BCAS3: variants seen among roughly 807,000 people sequenced by gnomAD.
BCAS3 encodes BCAS4/BCAS3 fusion.
Under a neutral mutation model 116.1 loss-of-function variants are expected in BCAS3, and 53 were observed. That is an observed-to-expected ratio of 0.46 (90% confidence interval 0.37 to 0.57). The LOEUF is 0.57. Ranked by LOEUF, BCAS3 falls within the 20% of genes least tolerant of loss-of-function variation. The pLI is 0.00. For missense variants in BCAS3, 917 were observed against 1,165.4 expected (o/e 0.79, Z 3.10); for synonymous variants, 391 against 408.2 (o/e 0.96, Z 0.51).
At chr17:61,384,668 CAG>C (rs2059762382) in intron 23 of BCAS3, 1 of 152,312 alleles carries the variant, frequency 6.6e-6, no homozygotes, top group African/African-American at 2.4e-5. Context: ...AAACCAGCGA[CAG>C]AGGAGCTGGG....
chr17:60,779,551 T>G (rs2045613864), intron 6 of BCAS3, among the ~76,000 whole-genome samples: 1 of 152,116 alleles, frequency 6.6e-6, no homozygotes, highest in Admixed American at 6.6e-5. Flanking sequence ...GTATTTTTAG[T>G]AGAGACAGGG....
intron 22 of BCAS3, among the ~76,000 whole-genome samples, chr17:61,322,818 G>C (rs1452344989): frequency 1.9e-4 from 25 of 130,764 alleles, no homozygotes; most frequent in Middle Eastern, 4.2e-3. Flanking sequence ...GAGAGAGAGA[G>C]AGAGAGAGAG....
intron 22 of BCAS3, among the ~76,000 whole-genome samples, chr17:61,336,780 G>T (rs1255306922): frequency 2.0e-5 from 3 of 152,190 alleles, no homozygotes. Flanking sequence ...GAGAGGAAAA[G>T]TCTTGCCCAA....
At chr17:60,911,687 G>A (rs1227125635) in intron 12 of BCAS3, among the ~76,000 whole-genome samples, 2 of 152,106 alleles carry the variant, frequency 1.3e-5, no homozygotes, top group African/African-American at 4.8e-5. Context: ...TGCCCGTCTC[G>A]GCCTCCCAAA....
In BCAS3 at chr17:61,313,050, C is replaced by A. The variant is rs984797893; in HGVS notation, c.2426-55277C>A. Among the ~76,000 whole-genome samples the A allele has an allele frequency of 3.9e-5, 6 of 152,164 alleles. No individual in the cohort carries two copies. The highest frequency in any genetic ancestry group is 1.4e-4 in the African/African-American group (6 of 41,420). On this transcript the variant is annotated intron_variant, in intron 22 of 23. Coordinates refer to ENST00000407086, the MANE Select transcript of BCAS3 (RefSeq NM_017679.5). The surrounding 1 kb of genome is among the most constrained non-coding windows in gnomAD (Gnocchi z 4.3). Reference sequence around the variant, plus strand: ...ACTTCCCATCTTTCACCTCGTTGATCGCCTCAAAATCCCGTGAGGTTTTTA... The same window carrying A: ...ACTTCCCATCTTTCACCTCGTTGATAGCCTCAAAATCCCGTGAGGTTTTTA...
intron 6 of BCAS3, among the ~76,000 whole-genome samples, chr17:60,770,834 GTTTTTTTTTTTT>G (rs60854011): frequency 0.05 from 3,812 of 76,734 alleles, 106 homozygotes; most frequent in Non-Finnish European, 0.074. Flanking sequence ...ACTGAAATTT[GTTTTTTTTTTTT>G]TTTTTTTTTT....
At chr17:61,143,095 A>G (rs938496608) in intron 22 of BCAS3, among the ~76,000 whole-genome samples, 11 of 152,204 alleles carry the variant, frequency 7.2e-5, no homozygotes, top group Non-Finnish European at 7.3e-5. Flanking sequence ...ATATAGCTAC[A>G]GTATTGGGAT....
At chr17:60,955,830 A>C (rs2061102100) in intron 14 of BCAS3, among the ~76,000 whole-genome samples, 1 of 152,124 alleles carries the variant, frequency 6.6e-6, no homozygotes, top group South Asian at 2.1e-4. Flanking sequence ...CTGATGTTTC[A>C]TTATGATTAG....
At chr17:60,810,238 G>T in intron 7 of BCAS3, 1 of 434,668 alleles carries the variant, frequency 2.3e-6, no homozygotes, top group South Asian at 1.9e-5. Flanking sequence ...GCCCAGCTAT[G>T]GCACCCAGCC....
rs61144658 is a variant in BCAS3, at chr17:61,035,582, C to CAAA, written c.1762+810_1762+812dup. The stretch of plus-strand genomic sequence containing the variant: ...TGGGTGACAGAGCAAGACTCCATCT[C>CAAA]AAAAAAAAAAAAAAAAAAAAGAGGA... On this transcript the variant is annotated intron_variant, in intron 17 of 23. Transcript: ENST00000407086. 5.5e-3 allele frequency among the ~76,000 whole-genome samples: 358 copies of CAAA among 65,222 alleles called. 9 individuals are homozygous for CAAA. Among genetic ancestry groups the CAAA allele is most frequent in the African/African-American group, 0.016 (328 of 20,502 alleles). The allele number at this position is 65,222 out of a possible 152,430, so 42.8% of individuals were successfully genotyped here. A position where few individuals can be genotyped will look rare whatever the true frequency, so the allele number is the denominator to read the frequency against.
chr17:61,167,980 G>A (rs1445680635), intron 22 of BCAS3, among the ~76,000 whole-genome samples: 1 of 152,094 alleles, frequency 6.6e-6, no homozygotes, highest in Non-Finnish European at 1.5e-5. Context: ...TGTAACTATA[G>A]GTTTACTTCT....
At chr17:60,945,849 G>A (rs1345561071) in intron 13 of BCAS3, among the ~76,000 whole-genome samples, 1 of 151,700 alleles carries the variant, frequency 6.6e-6, no homozygotes, top group Non-Finnish European at 1.5e-5. Flanking sequence ...TGCCAGGCAT[G>A]GTGACTCATG....
At position 61,092,503 on chromosome 17, in the gene BCAS3, C is replaced by T. The variant is rs564699658; in HGVS notation, c.2425+7939C>T. ...TGCATTCCTATCAGCAATGCATGAG[C>T]GTTCCAGTTGCTCCACATTCTCATC... On this transcript the variant is annotated intron_variant, in intron 22 of 23. Transcript: ENST00000407086. Among the ~76,000 whole-genome samples the T allele has an allele frequency of 3.1e-4, 47 of 152,286 alleles. 1 individual carries two copies. The South Asian group carries it at 9.1e-3, about 30-fold the overall frequency.
At chr17:60,927,872 CA>C (rs2059444611) in intron 13 of BCAS3, among the ~76,000 whole-genome samples, 2 of 151,886 alleles carry the variant, frequency 1.3e-5, no homozygotes, top group Non-Finnish European at 2.9e-5. Context: ...AATATATTAA[CA>C]AAAAAGCCCT....
rs565550912 is a variant in BCAS3, at chr17:61,235,575, T to C, written c.2426-132752T>C. 1.3e-5 allele frequency among the ~76,000 whole-genome samples: 2 copies of C among 152,120 alleles called. No homozygotes were observed. The highest frequency in any genetic ancestry group is 2.9e-5 in the Non-Finnish European group (2 of 68,022). On this transcript the variant is annotated intron_variant, in intron 22 of 23. Coordinates refer to ENST00000407086, the MANE Select transcript of BCAS3 (RefSeq NM_017679.5). This position sits in a 1 kb window ranked among gnomAD's most constrained non-coding sequence, Gnocchi z 5.0. ...GTGAAATATGAGATTCCTGAGCCTT[T>C]AGTGGATGCTGAGCTGGAGACCCCC... is the stretch of plus-strand genomic sequence containing the variant.
chr17:60,906,278 G>A (rs1338714522), intron 11 of BCAS3, among the ~76,000 whole-genome samples: 3 of 152,162 alleles, frequency 2.0e-5, no homozygotes, highest in Non-Finnish European at 4.4e-5. Flanking sequence ...TTAGAAAATA[G>A]TTTTGAGTTT....
chr17:60,726,829 C>T (rs1315866590), intron 5 of BCAS3, among the ~76,000 whole-genome samples: 1 of 152,016 alleles, frequency 6.6e-6, no homozygotes, highest in East Asian at 1.9e-4. Context: ...AGTTTTAACA[C>T]TTGTGCTGCC....
Position 60,995,004 on chromosome 17 carries a change from G to A in BCAS3, c.1486+4769G>A, listed in dbSNP as rs564350947. On this transcript the variant is annotated intron_variant, in intron 15 of 23. Coordinates refer to ENST00000407086, the MANE Select transcript of BCAS3 (RefSeq NM_017679.5). The surrounding 1 kb of genome is among the most constrained non-coding windows in gnomAD (Gnocchi z 4.7). ...GCCTTTTTTATTTTTTTGAGACGGG[G>A]TCTCGCTCTGTCACCCAGGCTGGAG... Among the ~76,000 whole-genome samples, 309 of 151,954 alleles carry A rather than the reference G, an allele frequency of 2.0e-3. 1 individual carries two copies. Among genetic ancestry groups the A allele is most frequent in the African/African-American group, 6.8e-3 (283 of 41,426 alleles).
intron 19 of BCAS3, among the ~76,000 whole-genome samples, chr17:61,059,138 G>A (rs531562355): frequency 3.0e-5 from 4 of 132,646 alleles, no homozygotes; most frequent in East Asian, 4.3e-4. Context: ...GCTGGAGTGC[G>A]GTGGCACAAT....
Sources: gnomAD v4.1 joint callset for allele counts (sites outside exome capture counted in the v4.1 genomes callset) on GRCh38, gnomAD v4.1.1 for gene constraint, Gnocchi (gnomAD v3.1) non-coding constraint, MANE v1.5 for transcripts, NCBI Gene and HGNC (gene_info 2026-07-23, HGNC 2026-07-21) for gene names.